CPNE1: variants seen among roughly 807,000 people sequenced by gnomAD.
CPNE1 encodes the protein copine-1.
A neutral mutation model predicts 63.2 loss-of-function variants in CPNE1; 58 were observed. That is an observed-to-expected ratio of 0.92 (90% CI 0.74 to 1.14). The LOEUF (loss-of-function observed/expected upper bound fraction) is 1.14. Among genes scored for constraint, CPNE1 ranks in the 50% most tolerant of loss-of-function variants. The pLI is 0.00. For synonymous variants in CPNE1, 237 were observed against 249.0 expected (o/e 0.95, Z 0.45); for missense variants, 672 against 661.7 (o/e 1.02, Z -0.17).
intron 1 of CPNE1, chr20:35,653,272 C>T (rs2033663025): frequency 6.2e-7 from 1 of 1,613,342 alleles, no homozygotes. Flanking sequence ...CAGTCCTGCA[C>T]TGGTTATTGC....
chr20:35,644,519 A>C (rs984119322), intron 1 of CPNE1, among the ~76,000 whole-genome samples: 2 of 152,232 alleles, frequency 1.3e-5, no homozygotes, highest in Non-Finnish European at 2.9e-5. Flanking sequence ...ACAATCACAG[A>C]AGCTTAAAAC....
At chr20:35,630,584 A>G (rs547597003) in intron 12 of CPNE1, 94 bp from the exon 13 acceptor site, 200 of 1,489,312 alleles carry the variant, frequency 1.3e-4, no homozygotes, top group African/African-American at 2.2e-4. Flanking sequence ...TATAGGAGCT[A>G]TGGAGTCCTG....
chr20:35,626,908 C>A, intron 14 of CPNE1, 105 bp from the exon 15 acceptor site: 1 of 973,182 alleles, frequency 1.0e-6, no homozygotes, highest in Non-Finnish European at 1.6e-6. Flanking sequence ...TTGTTACAGG[C>A]CGGGTGCGAT....
rs757897492 is a variant in CPNE1 at position 35,652,894 on chromosome 20, G to A, written c.-1+11866C>T. 8.7e-6 allele frequency: 14 copies of A among 1,613,520 alleles called. No homozygotes were observed. In the Admixed American group the frequency reaches 2.3e-4, roughly 27 times the overall value. On this transcript the variant is annotated intron_variant, in intron 1 of 15. Coordinates refer to ENST00000397443, the MANE Select transcript of CPNE1 (RefSeq NM_152925.3). The stretch of plus-strand genomic sequence containing the variant: ...ATGCCCAGGGGCACTTCCAAGACCA[G>A]GAGGGCCACTTCCAAACCCCGGGGG...
intron 1 of CPNE1, chr20:35,653,771 G>T (rs1233165676): frequency 7.4e-6 from 12 of 1,613,882 alleles, no homozygotes; most frequent in Non-Finnish European, 8.5e-6. Flanking sequence ...AGTCTTTTTC[G>T]AATCATATCT....
intron 1 of CPNE1, chr20:35,652,687 T>C (rs1446723854): frequency 1.9e-6 from 3 of 1,614,016 alleles, no homozygotes; most frequent in Non-Finnish European, 2.5e-6. Context: ...GATTACTTGA[T>C]AGCCATAAAA....
At chr20:35,662,054 CA>C (rs2034258956) in intron 1 of CPNE1, among the ~76,000 whole-genome samples, 1 of 152,104 alleles carries the variant, frequency 6.6e-6, no homozygotes, top group African/African-American at 2.4e-5. Flanking sequence ...CCAAATGGAC[CA>C]TATATCAAAG....
At chr20:35,642,075 T>C (rs995617572) in intron 1 of CPNE1, among the ~76,000 whole-genome samples, 3 of 152,218 alleles carry the variant, frequency 2.0e-5, no homozygotes, top group Non-Finnish European at 2.9e-5. Context: ...TCCCATTCTC[T>C]GCTACAAGGG....
intron 13 of CPNE1, among the ~76,000 whole-genome samples, chr20:35,627,937 G>C (rs939036353): frequency 2.0e-5 from 3 of 151,928 alleles, no homozygotes; most frequent in Non-Finnish European, 2.9e-5. Flanking sequence ...TTGAGCCCAG[G>C]GGTTCAAGGC....
At position 35,644,896 on chromosome 20, in the gene CPNE1, T is replaced by C. The variant is rs190289066; in HGVS notation, c.1-11973A>G. Among the ~76,000 whole-genome samples the C allele has an allele frequency of 5.4e-3, 829 of 152,344 alleles. 18 individuals are homozygous for C. Among genetic ancestry groups the C allele is most frequent in the African/African-American group, 0.019 (783 of 41,566 alleles). On this transcript the variant is annotated intron_variant, in intron 1 of 15. Coordinates refer to ENST00000397443, the MANE Select transcript of CPNE1 (RefSeq NM_152925.3). ...AGGAATAAATTTTAAGTAGCAAGCATGCATAGTGCAAATAAGGTAGAACTC... is the reference window on the plus strand; with the variant it reads ...AGGAATAAATTTTAAGTAGCAAGCACGCATAGTGCAAATAAGGTAGAACTC...
chr20:35,642,571 C>A (rs1486201351), intron 1 of CPNE1, among the ~76,000 whole-genome samples: 1 of 152,222 alleles, frequency 6.6e-6, no homozygotes, highest in Non-Finnish European at 1.5e-5. Flanking sequence ...CACCACCACT[C>A]TTCTTTTTCC....
chr20:35,647,598 G>T (rs2033203680), intron 1 of CPNE1, among the ~76,000 whole-genome samples: 1 of 151,902 alleles, frequency 6.6e-6, no homozygotes, highest in Non-Finnish European at 1.5e-5. Context: ...CCTCCTTCTG[G>T]ACTCCAGTGA....
Position 35,626,094 on chromosome 20 carries a change from G to T in CPNE1, c.*147C>A. 1.2e-6 allele frequency: 1 copy of T among 847,166 alleles called. No homozygotes were observed. Among genetic ancestry groups the T allele is most frequent in the Non-Finnish European group, 2.0e-6 (1 of 506,760 alleles). The allele number at this position is 847,166 out of a possible 1,614,324, so 52.5% of individuals were successfully genotyped here. On this transcript the variant is annotated 3_prime_UTR_variant, in exon 16 of 16. Transcript: ENST00000397443. ...TGAGGGTTGTCAGGAGCAAAGGTGG[G>T]ATCAAGAGCAGCAAAAGCAGAAACA... is the stretch of plus-strand genomic sequence containing the variant.
At chr20:35,653,148 A>G in intron 1 of CPNE1, 1 of 1,613,624 alleles carries the variant, frequency 6.2e-7, no homozygotes, top group South Asian at 1.1e-5. Flanking sequence ...CACCAAAATT[A>G]CCAGGAAAGT....
intron 1 of CPNE1, among the ~76,000 whole-genome samples, chr20:35,662,049 T>C (rs1320088189): frequency 6.6e-6 from 1 of 152,190 alleles, no homozygotes; most frequent in African/African-American, 2.4e-5. Flanking sequence ...CATTCCCAAA[T>C]GGACCATATA....
chr20:35,637,222 T>C (rs376963839), intron 1 of CPNE1, among the ~76,000 whole-genome samples: 8 of 152,174 alleles, frequency 5.3e-5, no homozygotes, highest in African/African-American at 1.7e-4. Context: ...GTCCTAGCAC[T>C]GCTCCACCTG....
At chr20:35,647,577 G>C (rs1179024291) in intron 1 of CPNE1, 1 of 152,198 alleles carries the variant, frequency 6.6e-6, no homozygotes, top group Non-Finnish European at 1.5e-5. Context: ...GTTTATGTCA[G>C]GTGGCTTTTT....
At chr20:35,653,238 T>C (rs759414324) in intron 1 of CPNE1, 17 of 1,613,604 alleles carry the variant, frequency 1.1e-5, no homozygotes, top group South Asian at 3.3e-5. Context: ...TAGGTATTCC[T>C]GCACTGGGCA....
Position 35,631,552 on chromosome 20 carries a change from G to A in CPNE1, c.654C>T (p.Asp218=), listed in dbSNP as rs371307358. 1.5e-5 allele frequency: 25 copies of A among 1,613,820 alleles called. No homozygotes were observed. Among genetic ancestry groups the A allele is most frequent in the South Asian group, 5.5e-5 (5 of 91,072 alleles). The stretch of plus-strand genomic sequence containing the variant: ...AGGTACCGATGAGATCATGTGACCC[G>A]TCACTGTCATAATCGGAGCATTGCA... ...IQVQCSDYDS[D]GSHDLIGTFH... Residue 218 remains aspartate, a synonymous_variant, in exon 8 of 16, where the codon GAC becomes GAT. Coordinates refer to ENST00000397443, the MANE Select transcript of CPNE1 (RefSeq NM_152925.3).
Sources: gnomAD v4.1 joint callset for allele counts (sites outside exome capture counted in the v4.1 genomes callset) on GRCh38, gnomAD v4.1.1 for gene constraint, MANE v1.5 for transcripts, NCBI Gene and HGNC (gene_info 2026-07-23, HGNC 2026-07-21) for gene names.